The following COBL variants were observed in gnomAD, a reference collection of about 807,000 sequenced individuals.
COBL encodes the protein protein cordon-bleu.
COBL carries 51 observed loss-of-function variants against 98.8 expected under a neutral mutation model. That is an observed-to-expected ratio of 0.52 (90% CI 0.41 to 0.65). The LOEUF (loss-of-function observed/expected upper bound fraction) is 0.65, where lower values mean the gene tolerates loss of function less well. Among genes scored for constraint, COBL ranks in the 30% least tolerant of loss-of-function variants. The pLI is 0.00. For missense variants in COBL, 1,617 were observed against 1,617.5 expected (o/e 1.00, Z 0.01); for synonymous variants, 634 against 651.7 (o/e 0.97, Z 0.41).
chr7:51,186,166 T>G (rs943096776), intron 4 of COBL, among the ~76,000 whole-genome samples: 1 of 152,252 alleles, frequency 6.6e-6, no homozygotes, highest in Non-Finnish European at 1.5e-5. Flanking sequence ...AACTATTATA[T>G]GCTTTAATAT....
chr7:51,107,949 TTCC>T (rs1459413443), intron 6 of COBL, among the ~76,000 whole-genome samples: 1 of 152,202 alleles, frequency 6.6e-6, no homozygotes, highest in African/African-American at 2.4e-5. Context: ...CCACTGATTC[TTCC>T]TCCTCCTGCA....
At chr7:51,216,202 C>T (rs528997936) in intron 2 of COBL, among the ~76,000 whole-genome samples, 247 of 152,198 alleles carry the variant, frequency 1.6e-3, no homozygotes, top group Admixed American at 3.2e-3. Context: ...TTTTTTTTGA[C>T]GGAGTCTCAA....
chr7:51,207,503 C>T (rs1467120188), intron 2 of COBL, among the ~76,000 whole-genome samples: 1 of 152,230 alleles, frequency 6.6e-6, no homozygotes, highest in Non-Finnish European at 1.5e-5. Context: ...GGTACTGCTG[C>T]CATCTCGGCT....
Position 51,016,985 on chromosome 7 carries a change from GGAA to G in COBL, c.*563_*565del. 1 of 404,002 alleles carries G rather than the reference GGAA, an allele frequency of 2.5e-6. No individual in the cohort carries two copies. The highest frequency in any genetic ancestry group is 4.4e-6 in the Non-Finnish European group (1 of 229,656). 25.0% of individuals were successfully genotyped at this position (404,002 alleles called of 1,614,324 possible). A position where few individuals can be genotyped will look rare whatever the true frequency, so the allele number is the denominator to read the frequency against. ...TGAAGTGTTAGCCCCAAATATTTGAGGAAGAAGAATCCAGCAGTTTTACTACCT... is the reference window on the plus strand; with the variant it reads ...TGAAGTGTTAGCCCCAAATATTTGAGGAAGAATCCAGCAGTTTTACTACCT... On this transcript the variant is annotated 3_prime_UTR_variant, in exon 13 of 13. Transcript: ENST00000265136.
chr7:51,026,690 T>G (rs762893865), intron 10 of COBL, 25 bp from the exon 11 acceptor site: 1 of 1,606,078 alleles, frequency 6.2e-7, no homozygotes, highest in East Asian at 2.2e-5. Flanking sequence ...GTGTCACACA[T>G]TTCACTGAGA....
intron 1 of COBL, among the ~76,000 whole-genome samples, chr7:51,230,733 A>C (rs913041112): frequency 1.3e-5 from 2 of 152,202 alleles, no homozygotes; most frequent in African/African-American, 4.8e-5. Flanking sequence ...GTGAAGCCCA[A>C]ACTCCTCTGT....
intron 1 of COBL, among the ~76,000 whole-genome samples, chr7:51,308,308 C>T (rs921982648): frequency 6.6e-6 from 1 of 152,158 alleles, no homozygotes; most frequent in Non-Finnish European, 1.5e-5. Context: ...AATACAACTC[C>T]CAAGCCATTA....
chr7:51,287,394 G>A (rs1174773448), intron 1 of COBL, among the ~76,000 whole-genome samples: 3 of 152,256 alleles, frequency 2.0e-5, no homozygotes, highest in Non-Finnish European at 2.9e-5. Context: ...CTTCGCCATC[G>A]TTAGCCTTTA....
chr7:51,026,908 A>T (rs1787629872), intron 10 of COBL, among the ~76,000 whole-genome samples: 1 of 151,852 alleles, frequency 6.6e-6, no homozygotes, highest in Non-Finnish European at 1.5e-5. Context: ...AGGAAAAAAA[A>T]AGAAAGAAAA....
At chr7:51,093,471 G>A (rs544174896) in intron 6 of COBL, among the ~76,000 whole-genome samples, 8 of 152,266 alleles carry the variant, frequency 5.3e-5, no homozygotes, top group African/African-American at 1.7e-4. Context: ...TAGAACTACC[G>A]TGGGATCCAA....
intron 7 of COBL, among the ~76,000 whole-genome samples, chr7:51,051,082 G>A (rs1022571395): frequency 7.9e-5 from 12 of 152,130 alleles, no homozygotes; most frequent in East Asian, 1.9e-4. Flanking sequence ...GTATACTCTC[G>A]AAGCTCTCTT....
chr7:51,190,323 C>G (rs897777522), intron 4 of COBL, among the ~76,000 whole-genome samples: 1 of 152,144 alleles, frequency 6.6e-6, no homozygotes, highest in Non-Finnish European at 1.5e-5. Context: ...ATCCTCCAGC[C>G]TCAGCCTCTC....
intron 5 of COBL, 88 bp downstream of exon 5, chr7:51,184,013 GA>G (rs1394480128): frequency 5.2e-5 from 32 of 610,782 alleles, no homozygotes; most frequent in Non-Finnish European, 8.0e-5. Flanking sequence ...GAATTGTTTA[GA>G]AAAGTTCCAG....
At chr7:51,147,210 G>A (rs920812589) in intron 5 of COBL, among the ~76,000 whole-genome samples, 3 of 152,156 alleles carry the variant, frequency 2.0e-5, no homozygotes, top group Admixed American at 6.5e-5. Context: ...GGGAGCCAGC[G>A]CACTGAGAAC....
intron 1 of COBL, chr7:51,259,466 C>A (rs1797520770): frequency 2.7e-5 from 15 of 557,716 alleles, no homozygotes; most frequent in South Asian, 2.5e-4. Flanking sequence ...GATGTGTTCA[C>A]CCCGACAGCC....
chr7:51,310,219 A>C (rs1054477041), intron 1 of COBL, among the ~76,000 whole-genome samples: 2 of 152,238 alleles, frequency 1.3e-5, no homozygotes, highest in Non-Finnish European at 2.9e-5. Flanking sequence ...CAGCACTGGC[A>C]GAGAACACTG....
At chr7:51,020,821 T>C (rs768013557) in intron 12 of COBL, among the ~76,000 whole-genome samples, 11 of 152,348 alleles carry the variant, frequency 7.2e-5, no homozygotes, top group South Asian at 2.1e-4. Context: ...AGAGACATCA[T>C]TGGATTCACA....
At chr7:51,247,114 C>CAGAA (rs1469679959) in intron 1 of COBL, among the ~76,000 whole-genome samples, 1 of 152,250 alleles carries the variant, frequency 6.6e-6, no homozygotes, top group Non-Finnish European at 1.5e-5. Flanking sequence ...ATGCCCAAGG[C>CAGAA]AGAAGCCTCA....
At chr7:51,159,847 T>A (rs940795802) in intron 5 of COBL, among the ~76,000 whole-genome samples, 1 of 152,216 alleles carries the variant, frequency 6.6e-6, no homozygotes, top group African/African-American at 2.4e-5. Context: ...TCTGATGGGT[T>A]CCAGGTTTGC....
Sources: gnomAD v4.1 joint callset for allele counts (sites outside exome capture counted in the v4.1 genomes callset) on GRCh38, gnomAD v4.1.1 for gene constraint, MANE v1.5 for transcripts, NCBI Gene and HGNC (gene_info 2026-07-23, HGNC 2026-07-21) for gene names.